The following TARS3 variants were observed in gnomAD, a reference collection of about 807,000 sequenced individuals.
TARS3 encodes threonine--tRNA ligase 2, cytoplasmic.
In TARS3, 94 loss-of-function variants were observed where a neutral mutation model predicts 103.5. The ratio of observed to expected loss-of-function variants is 0.91; its 90% confidence interval spans 0.77 to 1.08. The LOEUF is 1.08. Among genes scored for constraint, TARS3 ranks in the 50% least tolerant of loss-of-function variants. TARS3 has a pLI of 0.00. For synonymous variants in TARS3, 416 were observed against 355.4 expected (o/e 1.17, Z -1.92); for missense variants, 952 against 995.2 (o/e 0.96, Z 0.58).
intron 5 of TARS3, among the ~76,000 whole-genome samples, chr15:101,711,470 C>G (rs1222200495): frequency 6.6e-6 from 1 of 152,178 alleles, no homozygotes; most frequent in East Asian, 1.9e-4. Context: ...GACAGCAAGA[C>G]CAACCCTTCC....
At chr15:101,692,259 C>T (rs550557021) in intron 10 of TARS3, among the ~76,000 whole-genome samples, 1 of 152,212 alleles carries the variant, frequency 6.6e-6, no homozygotes, top group East Asian at 1.9e-4. Flanking sequence ...TGTGTGGCCT[C>T]TCCTCCACGG....
At chr15:101,678,789 G>A (rs1898136438) in intron 12 of TARS3, among the ~76,000 whole-genome samples, 1 of 152,088 alleles carries the variant, frequency 6.6e-6, no homozygotes, top group Admixed American at 6.5e-5. Flanking sequence ...AAAGTTCCCT[G>A]ATTCCTCTTT....
At chr15:101,721,084 T>C in intron 3 of TARS3, 42 bp downstream of exon 3, 5 of 1,521,666 alleles carry the variant, frequency 3.3e-6, no homozygotes, top group Non-Finnish European at 4.5e-6. Context: ...GGCTTCAGTA[T>C]AATTACTTAA....
At chr15:101,699,491 C>T in intron 10 of TARS3, 2 of 455,640 alleles carry the variant, frequency 4.4e-6, no homozygotes, top group South Asian at 3.1e-5. Flanking sequence ...TGTTCATTCT[C>T]CATCTATTGT....
In TARS3 at chr15:101,657,873, A is replaced by G. The variant is rs766612801; in HGVS notation, c.2073-16T>C. The stretch of plus-strand genomic sequence containing the variant: ...CCAGAAAGGCCTGAAAAATATATAT[A>G]AAATATGTATTTTCAAAGTGTAATA... On this transcript the variant is annotated splice_polypyrimidine_tract_variant and intron_variant, in intron 16 of 18. Transcript: ENST00000335968. 2.0e-6 allele frequency: 3 copies of G among 1,494,654 alleles called. No individual in the cohort carries two copies. The highest frequency in any genetic ancestry group is 2.4e-5 in the South Asian group (2 of 82,488). 92.6% of individuals were successfully genotyped at this position (1,494,654 alleles called of 1,614,324 possible). A position where few individuals can be genotyped will look rare whatever the true frequency, so the allele number is the denominator to read the frequency against.
Position 101,665,127 on chromosome 15 carries a change from T to C in TARS3, c.1968-3311A>G, listed in dbSNP as rs144742604. Among the ~76,000 whole-genome samples the C allele has an allele frequency of 2.8e-3, 419 of 152,340 alleles. 2 individuals are homozygous for C. Among genetic ancestry groups the C allele is most frequent in the African/African-American group, 9.5e-3 (396 of 41,580 alleles). ...ACTGGAAAAATACCAAAAGGTCTAA[T>C]ATTCAGGTCACCTGCGTCCCAGAAG... On this transcript the variant is annotated intron_variant, in intron 15 of 18. Coordinates refer to ENST00000335968, the MANE Select transcript of TARS3 (RefSeq NM_152334.3).
Position 101,724,449 on chromosome 15 carries a change from G to C in TARS3, c.-62C>G, listed in dbSNP as rs1900675980. 7.4e-7 allele frequency: 1 copy of C among 1,354,490 alleles called. No individual in the cohort carries two copies. The highest frequency in any genetic ancestry group is 9.4e-7 in the Non-Finnish European group (1 of 1,061,062). 83.9% of individuals were successfully genotyped at this position (1,354,490 alleles called of 1,614,324 possible). On this transcript the variant is annotated 5_prime_UTR_variant, in exon 1 of 19. Transcript: ENST00000335968. The stretch of plus-strand genomic sequence containing the variant: ...CCCGCGACTGCGGCGAGGGCGACGC[G>C]GACACTCAGCGCACGGCAGAAGACA...
intron 10 of TARS3, among the ~76,000 whole-genome samples, chr15:101,688,935 TG>T (rs1469136791): frequency 6.6e-6 from 1 of 152,210 alleles, no homozygotes; most frequent in Non-Finnish European, 1.5e-5. Context: ...CCCAGTCCTA[TG>T]TCTGTGGCTT....
intron 9 of TARS3, 66 bp downstream of exon 9, chr15:101,702,173 G>C: frequency 1.9e-6 from 3 of 1,570,074 alleles, no homozygotes; most frequent in Non-Finnish European, 2.6e-6. Context: ...ACTTAGTTTT[G>C]TGAGACAGAA....
At chr15:101,686,141 A>C in intron 10 of TARS3, 79 bp from the exon 11 acceptor site, 1 of 1,300,016 alleles carries the variant, frequency 7.7e-7, no homozygotes, top group Non-Finnish European at 1.1e-6. Context: ...ATGAGCAAAT[A>C]TTTTCAAATT....
At chr15:101,690,082 C>T (rs1032536463) in intron 10 of TARS3, among the ~76,000 whole-genome samples, 6 of 152,180 alleles carry the variant, frequency 3.9e-5, no homozygotes, top group African/African-American at 7.2e-5. Context: ...ATCGGCTGAT[C>T]GGAGTTTGTG....
intron 15 of TARS3, chr15:101,664,038 T>C (rs763900450): frequency 9.2e-5 from 14 of 152,206 alleles, no homozygotes; most frequent in African/African-American, 2.2e-4. Flanking sequence ...GGTGATGACC[T>C]TGATGCTTCT....
At chr15:101,671,065 C>T (rs964381123) in intron 15 of TARS3, among the ~76,000 whole-genome samples, 1 of 152,126 alleles carries the variant, frequency 6.6e-6, no homozygotes, top group Non-Finnish European at 1.5e-5. Context: ...ACAACACACA[C>T]ACACACACAC....
chr15:101,689,813 T>C (rs1282746383), intron 10 of TARS3, among the ~76,000 whole-genome samples: 1 of 152,168 alleles, frequency 6.6e-6, no homozygotes, highest in African/African-American at 2.4e-5. Context: ...TTTGTTATAA[T>C]ACCCTAGGAA....
intron 17 of TARS3, 115 bp downstream of exon 17, chr15:101,657,670 T>C (rs1897239684): frequency 1.6e-6 from 1 of 618,252 alleles, no homozygotes; most frequent in Admixed American, 3.3e-5. Context: ...GAAAACACGG[T>C]TTAAGCTAAT....
intron 4 of TARS3, among the ~76,000 whole-genome samples, chr15:101,713,412 T>A (rs1266252153): frequency 6.6e-6 from 1 of 152,222 alleles, no homozygotes; most frequent in Non-Finnish European, 1.5e-5. Flanking sequence ...GCAAAATGAT[T>A]AAATTTACAT....
chr15:101,691,015 T>C (rs1466934754), intron 10 of TARS3, among the ~76,000 whole-genome samples: 1 of 152,134 alleles, frequency 6.6e-6, no homozygotes, highest in Admixed American at 6.6e-5. Context: ...CTCAGCTCAC[T>C]GCAAGCTTCG....
chr15:101,686,131 A>T (rs774829988), intron 10 of TARS3, 69 bp from the exon 11 acceptor site: 40 of 1,353,874 alleles, frequency 3.0e-5, no homozygotes, highest in Middle Eastern at 4.3e-4. Context: ...AAGTAACACT[A>T]TGAGCAAATA....
chr15:101,665,574 A>T (rs1897548784), intron 15 of TARS3, among the ~76,000 whole-genome samples: 1 of 152,204 alleles, frequency 6.6e-6, no homozygotes, highest in Non-Finnish European at 1.5e-5. Flanking sequence ...TAGGAACTCA[A>T]ATTTGTTCAA....
Sources: allele counts gnomAD v4.1 joint callset (sites outside exome capture counted in the v4.1 genomes callset), GRCh38; gene constraint gnomAD v4.1.1; transcripts MANE v1.5; gene names NCBI Gene and HGNC (gene_info 2026-07-23, HGNC 2026-07-21).